PPARGC1A: variants seen among roughly 807,000 people sequenced by gnomAD.
PPARGC1A encodes PPARG coactivator 1 alpha, also known as peroxisome proliferator-activated receptor gamma coactivator 1-alpha.
PPARGC1A carries 25 observed loss-of-function variants against 88.7 expected under a neutral mutation model. The ratio of observed to expected loss-of-function variants is 0.28; its 90% CI spans 0.21 to 0.39. The LOEUF is 0.39. Among genes scored for constraint, PPARGC1A ranks in the 10% least tolerant of loss-of-function variants. PPARGC1A has a pLI of 1.00. For missense variants in PPARGC1A, 880 were observed against 968.7 expected (o/e 0.91, Z 1.22); for synonymous variants, 363 against 355.6 (o/e 1.02, Z -0.24).
At chr4:23,887,357 T>C (rs899988905) in intron 1 of PPARGC1A, among the ~76,000 whole-genome samples, 3 of 152,244 alleles carry the variant, frequency 2.0e-5, no homozygotes, top group Non-Finnish European at 4.4e-5. Flanking sequence ...GTTCCTGTTA[T>C]TAATTTATAT....
At chr4:24,097,021 G>T in the PPARGC1A span, among the ~76,000 whole-genome samples, 2 of 152,168 alleles carry the variant, frequency 1.3e-5, no homozygotes, top group African/African-American at 4.8e-5. Context: ...TTGAGCCTAA[G>T]AATTTGAGGT....
the PPARGC1A span, among the ~76,000 whole-genome samples, chr4:23,949,968 AAT>A: frequency 6.6e-6 from 1 of 152,182 alleles, no homozygotes; most frequent in Non-Finnish European, 1.5e-5. Context: ...GTGCACTAAA[AAT>A]GTGGCTGAGT....
chr4:24,398,567 C>A, the PPARGC1A span, among the ~76,000 whole-genome samples: 2 of 152,078 alleles, frequency 1.3e-5, no homozygotes, highest in African/African-American at 2.4e-5. Context: ...AATTTATTTA[C>A]CATGTCCTCT....
At chr4:24,403,431 C>T in the PPARGC1A span, among the ~76,000 whole-genome samples, 9 of 152,208 alleles carry the variant, frequency 5.9e-5, no homozygotes, top group African/African-American at 9.6e-5. Context: ...TACTCGCAGC[C>T]ACCTTCTCAG....
At chr4:24,300,302 TGG>T in the PPARGC1A span, among the ~76,000 whole-genome samples, 1 of 146,098 alleles carries the variant, frequency 6.8e-6, no homozygotes, top group African/African-American at 2.5e-5. Flanking sequence ...CTTTAAGCAA[TGG>T]TATTTTTCTA....
chr4:24,181,248 C>G, the PPARGC1A span, among the ~76,000 whole-genome samples: 1 of 152,142 alleles, frequency 6.6e-6, no homozygotes, highest in East Asian at 1.9e-4. Flanking sequence ...GTGATCATAG[C>G]CCAGTTGTGT....
the PPARGC1A span, among the ~76,000 whole-genome samples, chr4:24,387,758 G>GAAAGAAAGAAAGAAAGAAAGAAAGAA: frequency 1.6e-5 from 1 of 62,320 alleles, no homozygotes; most frequent in Admixed American, 1.9e-4. Context: ...GAGAGAGAGA[G>GAAAGAAAGAAAGAAAGAAAGAAAGAA]AGAGAGAGAG....
the PPARGC1A span, among the ~76,000 whole-genome samples, chr4:23,914,524 C>T: frequency 2.6e-5 from 4 of 152,200 alleles, no homozygotes; most frequent in Non-Finnish European, 4.4e-5. Flanking sequence ...ATCACAAACA[C>T]ACCACCTCTA....
At chr4:24,329,846 TAAC>T in the PPARGC1A span, among the ~76,000 whole-genome samples, 1 of 152,158 alleles carries the variant, frequency 6.6e-6, no homozygotes, top group Non-Finnish European at 1.5e-5. Context: ...TGAGAGAATC[TAAC>T]AAAGCAAACC....
chr4:24,339,190 CCA>C, the PPARGC1A span, among the ~76,000 whole-genome samples: 1 of 115,876 alleles, frequency 8.6e-6, no homozygotes, highest in Non-Finnish European at 1.8e-5. Context: ...CAAGGTTCAT[CCA>C]TGTGTGTGTG....
chr4:24,347,823 T>A, the PPARGC1A span, among the ~76,000 whole-genome samples: 1 of 152,138 alleles, frequency 6.6e-6, no homozygotes, highest in African/African-American at 2.4e-5. Context: ...GTGCTTCGGT[T>A]TTTTTGTTAT....
At chr4:24,433,024 T>C in the PPARGC1A span, among the ~76,000 whole-genome samples, 2 of 152,208 alleles carry the variant, frequency 1.3e-5, no homozygotes, top group Non-Finnish European at 2.9e-5. Flanking sequence ...TTTAAATTAC[T>C]TCCCCATGAA....
At chr4:24,427,072 G>A in the PPARGC1A span, among the ~76,000 whole-genome samples, 4,093 of 152,156 alleles carry the variant, frequency 0.027, 165 homozygotes, top group African/African-American at 0.094. Context: ...TAACCTGTTG[G>A]GGAGGAAGCA....
chr4:24,259,537 A>T, the PPARGC1A span, among the ~76,000 whole-genome samples: 1 of 152,196 alleles, frequency 6.6e-6, no homozygotes. Context: ...ATACAGCGAT[A>T]TCATATTTAT....
the PPARGC1A span, among the ~76,000 whole-genome samples, chr4:24,130,295 A>G: frequency 9.2e-5 from 14 of 152,168 alleles, no homozygotes; most frequent in East Asian, 5.8e-4. Flanking sequence ...ACCCCAGGAA[A>G]TGAAGGGCAA....
Position 23,853,169 on chromosome 4 carries a change from T to C in PPARGC1A, c.235-21418A>G, listed in dbSNP as rs182119107. On this transcript the variant is annotated intron_variant, in intron 2 of 12. Coordinates refer to ENST00000264867, the MANE Select transcript of PPARGC1A (RefSeq NM_013261.5). ...TATAGAAAGCAAAATACAATCAAAA[T>C]TTTTAAATACACAAAATTTCATAGT... Among the ~76,000 whole-genome samples the C allele has an allele frequency of 7.5e-4, 114 of 152,256 alleles. 2 individuals carry two copies. The East Asian group carries it at 0.02, about 27-fold the overall frequency.
At chr4:24,281,953 G>T in the PPARGC1A span, among the ~76,000 whole-genome samples, 1 of 152,186 alleles carries the variant, frequency 6.6e-6, no homozygotes, top group South Asian at 2.1e-4. Context: ...AAGGGCTTCA[G>T]CAAATTGTCC....
At chr4:24,064,161 C>A in the PPARGC1A span, among the ~76,000 whole-genome samples, 1 of 151,936 alleles carries the variant, frequency 6.6e-6, no homozygotes, top group East Asian at 1.9e-4. Flanking sequence ...AGAAATGAAG[C>A]TGGTTTTGTT....
chr4:24,169,585 C>T, the PPARGC1A span, among the ~76,000 whole-genome samples: 1 of 152,012 alleles, frequency 6.6e-6, no homozygotes, highest in South Asian at 2.1e-4. Flanking sequence ...AAAGGATAAT[C>T]TCAGCCAAGC....
Sources: gnomAD v4.1 joint callset for allele counts (sites outside exome capture counted in the v4.1 genomes callset) on GRCh38, gnomAD v4.1.1 for gene constraint, MANE v1.5 for transcripts, NCBI Gene and HGNC (gene_info 2026-07-23, HGNC 2026-07-21) for gene names.